FBXL2: variants seen among roughly 807,000 people sequenced by gnomAD.
FBXL2 encodes the protein F-box/LRR-repeat protein 2.
In FBXL2, 38 loss-of-function variants were observed where a neutral mutation model predicts 69.2. The observed-to-expected ratio is 0.55, with a 90% confidence interval of 0.42 to 0.72. FBXL2 has a LOEUF of 0.72. Ranked by LOEUF, FBXL2 falls within the 30% of genes least tolerant of loss-of-function variation. FBXL2 has a pLI of 0.00. For synonymous variants in FBXL2, 192 were observed against 201.3 expected (o/e 0.95, Z 0.39); for missense variants, 354 against 520.3 (o/e 0.68, Z 3.11).
At chr3:33,401,214 G>T (rs2044217242) in intron 12 of FBXL2, among the ~76,000 whole-genome samples, 1 of 152,156 alleles carries the variant, frequency 6.6e-6, no homozygotes, top group African/African-American at 2.4e-5. Flanking sequence ...AGACACAGAA[G>T]ACTGTGTCTT....
intron 1 of FBXL2, among the ~76,000 whole-genome samples, chr3:33,287,600 C>T (rs924707123): frequency 2.0e-5 from 3 of 152,184 alleles, no homozygotes; most frequent in Non-Finnish European, 4.4e-5. Flanking sequence ...TTCATCCTCC[C>T]AAAGTGCTGG....
intron 1 of FBXL2, among the ~76,000 whole-genome samples, chr3:33,288,388 CAG>C (rs1372036489): frequency 6.6e-6 from 1 of 152,018 alleles, no homozygotes; most frequent in Non-Finnish European, 1.5e-5. Context: ...ATTCTAGTGG[CAG>C]GGAGACAGAT....
chr3:33,392,733 A>G, downstream of FBXL2: 4 of 910,930 alleles, frequency 4.4e-6, no homozygotes, highest in Non-Finnish European at 6.6e-6. Flanking sequence ...CCAAAACGAT[A>G]ATTCATGAAG....
chr3:33,280,713 CAAAAAAA>C (rs34093056), intron 1 of FBXL2, among the ~76,000 whole-genome samples: 7 of 81,442 alleles, frequency 8.6e-5, no homozygotes, highest in East Asian at 3.0e-4. Flanking sequence ...GCCCTGTATC[CAAAAAAA>C]AAAAAAAAAA....
intron 1 of FBXL2, chr3:33,289,805 T>G: frequency 1.0e-6 from 1 of 985,292 alleles, no homozygotes; most frequent in Non-Finnish European, 1.2e-6. Flanking sequence ...GGTGGGTGGA[T>G]TCTGCTGAAG....
chr3:33,310,368 G>T (rs1361024841), intron 2 of FBXL2, among the ~76,000 whole-genome samples: 1 of 151,946 alleles, frequency 6.6e-6, no homozygotes, highest in Non-Finnish European at 1.5e-5. Flanking sequence ...ACCAAGGCTG[G>T]TCTCGAACTC....
At chr3:33,403,576 G>GTCTATCTATCTATCTATCTATCTATCTA (rs1311549128) in exon 13 of FBXL2, 39 of 84,328 alleles carry the variant, frequency 4.6e-4, no homozygotes, top group Non-Finnish European at 1.1e-3. Flanking sequence ...CTGTCTGTCT[G>GTCTATCTATCTATCTATCTATCTATCTA]TCTGTCTGTC....
At chr3:33,365,689 A>AC (rs1350631880) in intron 5 of FBXL2, among the ~76,000 whole-genome samples, 1 of 151,990 alleles carries the variant, frequency 6.6e-6, no homozygotes, top group Non-Finnish European at 1.5e-5. Context: ...GGAGTTTGAG[A>AC]CCAGTGTGGG....
rs567269637 is a variant in FBXL2, at chr3:33,312,198, A to T, written c.65+14473A>T. Among the ~76,000 whole-genome samples, 7 of 152,180 alleles carry T rather than the reference A, an allele frequency of 4.6e-5. No homozygotes were observed. In the East Asian group the frequency reaches 1.4e-3, roughly 30 times the overall value. On this transcript the variant is annotated intron_variant, in intron 2 of 14. Coordinates refer to ENST00000484457, the MANE Select transcript of FBXL2 (RefSeq NM_012157.5). Reference sequence around the variant, plus strand: ...CAGCCTCCTAAGTAGATGGGACCACAGGAGCGTGCCACCACACCTGGCTAA... The same window carrying T: ...CAGCCTCCTAAGTAGATGGGACCACTGGAGCGTGCCACCACACCTGGCTAA...
At chr3:33,301,722 T>C (rs1365866408) in intron 2 of FBXL2, among the ~76,000 whole-genome samples, 2 of 152,216 alleles carry the variant, frequency 1.3e-5, no homozygotes, top group Non-Finnish European at 2.9e-5. Context: ...CAAACAGCTT[T>C]TAGTATTATT....
the FBXL2 span, among the ~76,000 whole-genome samples, chr3:33,410,616 C>G: frequency 2.0e-5 from 3 of 152,124 alleles, no homozygotes; most frequent in Non-Finnish European, 4.4e-5. Flanking sequence ...TATTACCTAC[C>G]TGGTAGTTTA....
chr3:33,335,006 C>T (rs1008576315), intron 2 of FBXL2, among the ~76,000 whole-genome samples: 32 of 151,796 alleles, frequency 2.1e-4, no homozygotes, highest in African/African-American at 7.5e-4. Context: ...GAGGCTGAGG[C>T]GGGAGAATCA....
At chr3:33,298,042 A>G (rs949153464) in intron 2 of FBXL2, 1 of 321,050 alleles carries the variant, frequency 3.1e-6, no homozygotes, top group African/African-American at 2.2e-5. Context: ...TAATATGAGG[A>G]GACATTATTG....
intron 1 of FBXL2, among the ~76,000 whole-genome samples, chr3:33,277,962 C>T (rs2033497574): frequency 6.6e-6 from 1 of 152,044 alleles, no homozygotes; most frequent in Admixed American, 6.5e-5. Context: ...TAATATAAGA[C>T]ATATATCTTC....
chr3:33,397,290 C>T (rs570263413), intron 12 of FBXL2: 3 of 524,370 alleles, frequency 5.7e-6, no homozygotes, highest in South Asian at 3.5e-5. Context: ...CAAACAGACA[C>T]CTGTCCTTCA....
At chr3:33,344,462 A>G (rs943532430) in intron 2 of FBXL2, among the ~76,000 whole-genome samples, 2 of 152,182 alleles carry the variant, frequency 1.3e-5, no homozygotes, top group Non-Finnish European at 1.5e-5. Flanking sequence ...TATTGGAACA[A>G]TACAATGGAA....
rs1455650206 is a variant in FBXL2 at position 33,387,288 on chromosome 3, A to G, written c.*1680A>G. 1 of 152,072 alleles carries G rather than the reference A, an allele frequency of 6.6e-6. No individual in the cohort carries two copies. Among genetic ancestry groups the G allele is most frequent in the African/African-American group, 2.4e-5 (1 of 41,320 alleles). The allele number at this position is 152,072 out of a possible 1,614,324, so 9.4% of individuals were successfully genotyped here. A position where few individuals can be genotyped will look rare whatever the true frequency, so the allele number is the denominator to read the frequency against. On this transcript the variant is annotated 3_prime_UTR_variant, in exon 15 of 15. Transcript: ENST00000484457. ...AGACTTGCTTCAGTGATTATGAATTAGTTTAGTTTCTATTAAAAAAAATTA... is the reference window on the plus strand; with the variant it reads ...AGACTTGCTTCAGTGATTATGAATTGGTTTAGTTTCTATTAAAAAAAATTA...
chr3:33,301,362 G>C (rs2036279454), intron 2 of FBXL2, among the ~76,000 whole-genome samples: 1 of 152,082 alleles, frequency 6.6e-6, no homozygotes, highest in East Asian at 1.9e-4. Context: ...ACTTTTGACT[G>C]CTTCTGTTAC....
At chr3:33,384,364 C>T (rs1236690892) in intron 14 of FBXL2, among the ~76,000 whole-genome samples, 163 bp downstream of exon 14, 1 of 152,064 alleles carries the variant, frequency 6.6e-6, no homozygotes, top group Non-Finnish European at 1.5e-5. Context: ...AGTTCAAGAC[C>T]AGTCTGGTCA....
Sources: allele counts gnomAD v4.1 joint callset (sites outside exome capture counted in the v4.1 genomes callset), GRCh38; gene constraint gnomAD v4.1.1; transcripts MANE v1.5; gene names NCBI Gene and HGNC (gene_info 2026-07-23, HGNC 2026-07-21).